PITPNC1: variants seen among roughly 807,000 people sequenced by gnomAD.
PITPNC1 encodes cytoplasmic phosphatidylinositol transfer protein 1.
Under a neutral mutation model 44.7 loss-of-function variants are expected in PITPNC1, and 18 were observed. That is an observed-to-expected ratio of 0.40 (90% CI 0.28 to 0.60). The LOEUF is 0.60. Ranked by LOEUF, PITPNC1 falls within the 20% of genes least tolerant of loss-of-function variation. The pLI, the probability that PITPNC1 is intolerant of heterozygous loss-of-function variation, is 0.39. For synonymous variants in PITPNC1, 141 were observed against 149.6 expected (o/e 0.94, Z 0.42); for missense variants, 290 against 418.4 (o/e 0.69, Z 2.68).
chr17:67,540,909 A>T (rs2040597420), intron 2 of PITPNC1, among the ~76,000 whole-genome samples: 1 of 152,198 alleles, frequency 6.6e-6, no homozygotes, highest in East Asian at 1.9e-4. Context: ...GCCAGGAAGG[A>T]TGATAACTCT....
chr17:67,585,786 TAGAG>T (rs1459162566), intron 5 of PITPNC1, among the ~76,000 whole-genome samples: 3 of 151,850 alleles, frequency 2.0e-5, no homozygotes, highest in East Asian at 1.9e-4. Context: ...GCCTGGGTGA[TAGAG>T]AGAGACGCTG....
chr17:67,594,904 A>G (rs1391641701), intron 5 of PITPNC1, among the ~76,000 whole-genome samples: 1 of 152,242 alleles, frequency 6.6e-6, no homozygotes, highest in Non-Finnish European at 1.5e-5. Flanking sequence ...TGAAAAGTGC[A>G]CAGAATAGAG....
chr17:67,441,886 A>C (rs2039017249), intron 1 of PITPNC1, among the ~76,000 whole-genome samples: 1 of 152,052 alleles, frequency 6.6e-6, no homozygotes, highest in Non-Finnish European at 1.5e-5. Flanking sequence ...TTTCCACTTA[A>C]TTAGTTAACA....
chr17:67,389,354 G>A (rs539123495), intron 1 of PITPNC1, among the ~76,000 whole-genome samples: 9 of 152,236 alleles, frequency 5.9e-5, no homozygotes, highest in Middle Eastern at 3.2e-3. Flanking sequence ...CTCTCCTAGG[G>A]AGATTAGCTG....
intron 6 of PITPNC1, among the ~76,000 whole-genome samples, chr17:67,643,035 G>T (rs1389387965): frequency 6.6e-6 from 1 of 152,198 alleles, no homozygotes; most frequent in Admixed American, 6.5e-5. Context: ...CAGATCAAAA[G>T]CAGAGAATCT....
intron 4 of PITPNC1, among the ~76,000 whole-genome samples, chr17:67,560,573 C>G (rs1314643276): frequency 6.6e-6 from 1 of 152,188 alleles, no homozygotes; most frequent in African/African-American, 2.4e-5. Flanking sequence ...ATGGACGAGC[C>G]AGTTGCAAAC....
At position 67,571,337 on chromosome 17, in the gene PITPNC1, C is replaced by T. The variant is rs116415390; in HGVS notation, c.295-6849C>T. Among the ~76,000 whole-genome samples, 509 of 152,104 alleles carry T rather than the reference C, an allele frequency of 3.3e-3. 3 individuals are homozygous for T. The highest frequency in any genetic ancestry group is 0.011 in the African/African-American group (454 of 41,492). ...ATCCCAGCTGTTCAGGAGGCTGAGG[C>T]GGGAGGATTGCTTAAGCCCAGGAGG... On this transcript the variant is annotated intron_variant, in intron 4 of 8. Coordinates refer to ENST00000581322, the MANE Select transcript of PITPNC1 (RefSeq NM_012417.4).
intron 5 of PITPNC1, among the ~76,000 whole-genome samples, chr17:67,630,412 G>A (rs943206526): frequency 6.6e-6 from 1 of 152,154 alleles, no homozygotes; most frequent in South Asian, 2.1e-4. Context: ...GAGGTCAGGA[G>A]TTCAAGACCA....
intron 1 of PITPNC1, chr17:67,379,299 G>GC: frequency 1.0e-6 from 1 of 985,298 alleles, no homozygotes; most frequent in Non-Finnish European, 1.2e-6. Flanking sequence ...GGTGAGAGGG[G>GC]CGATGTGCTT....
chr17:67,524,159 A>G (rs1458969734), intron 1 of PITPNC1, among the ~76,000 whole-genome samples: 1 of 152,184 alleles, frequency 6.6e-6, no homozygotes. Flanking sequence ...AGAAACACAT[A>G]GGCTGGCTCA....
chr17:67,530,255 T>A (rs1443770785), intron 1 of PITPNC1, among the ~76,000 whole-genome samples: 1 of 151,886 alleles, frequency 6.6e-6, no homozygotes, highest in South Asian at 2.1e-4. Flanking sequence ...CACACCTGGC[T>A]AATTTTTTTG....
At chr17:67,417,261 A>G (rs552407347) in intron 1 of PITPNC1, among the ~76,000 whole-genome samples, 2 of 152,108 alleles carry the variant, frequency 1.3e-5, no homozygotes, top group South Asian at 4.2e-4. Context: ...CCTAGTAGCT[A>G]GGACTACAGG....
intron 1 of PITPNC1, among the ~76,000 whole-genome samples, chr17:67,411,082 CAAAA>C (rs11311248): frequency 1.5e-5 from 2 of 136,470 alleles, no homozygotes; most frequent in African/African-American, 2.7e-5. Flanking sequence ...ACTCCCATCT[CAAAA>C]AAAAAAAAAA....
intron 4 of PITPNC1, among the ~76,000 whole-genome samples, chr17:67,565,916 G>A (rs1317286968): frequency 6.6e-6 from 1 of 151,584 alleles, no homozygotes; most frequent in Non-Finnish European, 1.5e-5. Context: ...GTGTATACTC[G>A]TTTTCCATGT....
At chr17:67,398,553 G>A (rs928331675) in intron 1 of PITPNC1, among the ~76,000 whole-genome samples, 1 of 152,094 alleles carries the variant, frequency 6.6e-6, no homozygotes, top group Admixed American at 6.6e-5. Flanking sequence ...ACCAGTGCCG[G>A]CTGCAGGAGT....
intron 4 of PITPNC1, among the ~76,000 whole-genome samples, chr17:67,576,483 C>T (rs1340079610): frequency 6.6e-6 from 1 of 152,166 alleles, no homozygotes; most frequent in Non-Finnish European, 1.5e-5. Flanking sequence ...GGGATCCAGC[C>T]TCTTGGGACT....
chr17:67,420,665 C>T (rs2143864932), intron 1 of PITPNC1, among the ~76,000 whole-genome samples: 1 of 152,224 alleles, frequency 6.6e-6, no homozygotes, highest in Non-Finnish European at 1.5e-5. Context: ...CTCCTGGCCT[C>T]AAGTAAACTG....
chr17:67,402,119 C>T (rs1281339424), intron 1 of PITPNC1, among the ~76,000 whole-genome samples: 1 of 152,162 alleles, frequency 6.6e-6, no homozygotes, highest in African/African-American at 2.4e-5. Flanking sequence ...CAACTCTGAC[C>T]TCGTAACATG....
chr17:67,387,518 T>G (rs1046312555), intron 1 of PITPNC1, among the ~76,000 whole-genome samples: 2 of 151,972 alleles, frequency 1.3e-5, no homozygotes, highest in African/African-American at 2.4e-5. Flanking sequence ...ACACAAAAAT[T>G]AGCTGGGCAT....
Sources: allele counts gnomAD v4.1 joint callset (sites outside exome capture counted in the v4.1 genomes callset), GRCh38; gene constraint gnomAD v4.1.1; transcripts MANE v1.5; gene names NCBI Gene and HGNC (gene_info 2026-07-23, HGNC 2026-07-21).